The following STPG2 variants were observed in gnomAD, a reference collection of about 807,000 sequenced individuals.
STPG2 encodes the protein sperm tail PG-rich repeat containing 2.
STPG2 carries 56 observed loss-of-function variants against 54.2 expected under a neutral mutation model. That is an observed-to-expected ratio of 1.03 (90% CI 0.83 to 1.29). The LOEUF is 1.29. Ranked by LOEUF, STPG2 falls within the 50% of genes most tolerant of loss-of-function variation. STPG2 has a pLI of 0.00. For missense variants in STPG2, 596 were observed against 544.9 expected (o/e 1.09, Z -0.93); for synonymous variants, 200 against 181.8 (o/e 1.10, Z -0.81).
chr4:97,678,829 T>C (rs1404744879), intron 10 of STPG2, among the ~76,000 whole-genome samples: 1 of 143,070 alleles, frequency 7.0e-6, no homozygotes, highest in Non-Finnish European at 1.5e-5. Context: ...CCTGTGTCCA[T>C]GTGTTCTCAT....
intron 10 of STPG2, among the ~76,000 whole-genome samples, chr4:97,626,340 C>A (rs1015222592): frequency 2.0e-5 from 3 of 151,942 alleles, no homozygotes; most frequent in Admixed American, 6.6e-5. Flanking sequence ...GAAATATATT[C>A]TTCTTCTCTA....
chr4:97,526,329 A>T (rs1323043072), intron 4 of STPG2, among the ~76,000 whole-genome samples: 1 of 151,374 alleles, frequency 6.6e-6, no homozygotes, highest in East Asian at 1.9e-4. Flanking sequence ...ATATAAACAC[A>T]TTTTTTTTTA....
intron 10 of STPG2, among the ~76,000 whole-genome samples, chr4:97,623,269 C>T (rs1734059244): frequency 6.6e-6 from 1 of 151,750 alleles, no homozygotes; most frequent in South Asian, 2.1e-4. Context: ...TAAATGGGAC[C>T]TAATTAAACT....
intron 10 of STPG2, among the ~76,000 whole-genome samples, chr4:97,665,265 C>T (rs1174715455): frequency 2.0e-5 from 3 of 152,196 alleles, no homozygotes; most frequent in Non-Finnish European, 4.4e-5. Flanking sequence ...CACCATTCGG[C>T]AGTTCCTGAG....
chr4:98,002,019 T>C (rs1178668537), intron 5 of STPG2, among the ~76,000 whole-genome samples: 1 of 152,118 alleles, frequency 6.6e-6, no homozygotes, highest in East Asian at 1.9e-4. Flanking sequence ...TATTACTCCA[T>C]ATACATAACT....
At chr4:98,089,646 TG>T in intron 5 of STPG2, among the ~76,000 whole-genome samples, 1 of 152,078 alleles carries the variant, frequency 6.6e-6, no homozygotes, top group Non-Finnish European at 1.5e-5. Context: ...CCACAATGGT[TG>T]TACTAATTTA....
chr4:97,514,240 T>C (rs1731030959), intron 4 of STPG2, among the ~76,000 whole-genome samples: 1 of 152,080 alleles, frequency 6.6e-6, no homozygotes, highest in Non-Finnish European at 1.5e-5. Flanking sequence ...CATGAATATA[T>C]TGCATTACTG....
At chr4:97,875,010 T>C (rs1264781433) in intron 8 of STPG2, among the ~76,000 whole-genome samples, 1 of 151,950 alleles carries the variant, frequency 6.6e-6, no homozygotes, top group Non-Finnish European at 1.5e-5. Flanking sequence ...AAATAAGACA[T>C]TATATTTCAT....
chr4:97,786,867 T>C (rs1260825655), intron 9 of STPG2, among the ~76,000 whole-genome samples: 3 of 152,142 alleles, frequency 2.0e-5, no homozygotes, highest in African/African-American at 7.2e-5. Flanking sequence ...TACTTTATTA[T>C]TAACTATTGT....
intron 10 of STPG2, among the ~76,000 whole-genome samples, chr4:97,677,362 A>T (rs1722883374): frequency 1.3e-5 from 2 of 152,170 alleles, no homozygotes; most frequent in African/African-American, 4.8e-5. Context: ...CAATTTAATC[A>T]TGAAAAAAAT....
At chr4:97,887,827 G>T (rs1273901165) in intron 8 of STPG2, among the ~76,000 whole-genome samples, 1 of 152,192 alleles carries the variant, frequency 6.6e-6, no homozygotes, top group East Asian at 1.9e-4. Flanking sequence ...AGGACCAGAA[G>T]CCTAGGAGAA....
intron 8 of STPG2, among the ~76,000 whole-genome samples, chr4:97,901,761 A>T (rs1005303596): frequency 6.6e-6 from 1 of 151,998 alleles, no homozygotes; most frequent in African/African-American, 2.4e-5. Context: ...TACAGATTCA[A>T]TGCAATCCCT....
intron 4 of STPG2, among the ~76,000 whole-genome samples, chr4:97,454,901 C>T (rs996230577): frequency 6.6e-6 from 1 of 152,052 alleles, no homozygotes; most frequent in Non-Finnish European, 1.5e-5. Flanking sequence ...TAGAATGCTG[C>T]AACAAACATT....
At chr4:98,028,926 T>C (rs146739573) in intron 5 of STPG2, among the ~76,000 whole-genome samples, 300 of 152,260 alleles carry the variant, frequency 2.0e-3, no homozygotes, top group African/African-American at 7.1e-3. Context: ...ATTTTCCTCA[T>C]AATTTCCTCT....
intron 9 of STPG2, among the ~76,000 whole-genome samples, chr4:97,741,201 C>T (rs1404165619): frequency 6.6e-6 from 1 of 151,998 alleles, no homozygotes; most frequent in South Asian, 2.1e-4. Flanking sequence ...ACACCTTATA[C>T]AAAAATTAAT....
At chr4:97,994,104 G>A (rs1735117337) in intron 5 of STPG2, among the ~76,000 whole-genome samples, 1 of 151,620 alleles carries the variant, frequency 6.6e-6, no homozygotes, top group African/African-American at 2.4e-5. Flanking sequence ...ATTTAGTTCT[G>A]CCCTGATTTT....
intron 7 of STPG2, among the ~76,000 whole-genome samples, chr4:97,944,435 A>G (rs1733121598): frequency 6.6e-6 from 1 of 152,000 alleles, no homozygotes; most frequent in African/African-American, 2.4e-5. Flanking sequence ...TTTCTAAGCA[A>G]AATGATCCAC....
At chr4:97,477,194 T>G (rs1158634009) in intron 4 of STPG2, among the ~76,000 whole-genome samples, 1 of 152,222 alleles carries the variant, frequency 6.6e-6, no homozygotes, top group African/African-American at 2.4e-5. Context: ...GTTACTATTT[T>G]ATTTTACAGT....
At chr4:97,884,221 C>T (rs1730478777) in intron 8 of STPG2, among the ~76,000 whole-genome samples, 1 of 152,126 alleles carries the variant, frequency 6.6e-6, no homozygotes, top group South Asian at 2.1e-4. Flanking sequence ...CAGACAGGGT[C>T]CAATAAACTC....
Sources: allele counts gnomAD v4.1 joint callset (sites outside exome capture counted in the v4.1 genomes callset), GRCh38; gene constraint gnomAD v4.1.1; transcripts MANE v1.5; gene names NCBI Gene and HGNC (gene_info 2026-07-23, HGNC 2026-07-21).